Variants in SMYD5 observed in about 807,000 individuals in gnomAD.
SMYD5 encodes protein-lysine N-trimethyltransferase SMYD5.
In SMYD5, 35 loss-of-function variants were observed where a neutral mutation model predicts 57.4. That is an observed-to-expected ratio of 0.61 (90% CI 0.47 to 0.81). SMYD5 has a LOEUF of 0.81. SMYD5 is among the 30% of genes least tolerant of loss of function. The pLI, the probability that SMYD5 is intolerant of heterozygous loss-of-function variation, is 0.00. For missense variants in SMYD5, 471 were observed against 527.9 expected (o/e 0.89, Z 1.06); for synonymous variants, 198 against 189.7 (o/e 1.04, Z -0.36).
intron 5 of SMYD5, 125 bp downstream of exon 5, chr2:73,221,359 G>A (rs1381447620): frequency 1.3e-6 from 1 of 750,664 alleles, no homozygotes; most frequent in Admixed American, 2.3e-5. Context: ...CCAAAGGAGA[G>A]CTCCTTGCTA....
In SMYD5 at chr2:73,226,348, GA is replaced by G. The variant is rs1686506113; in HGVS notation, c.*405del. On this transcript the variant is annotated 3_prime_UTR_variant, in exon 13 of 13. Coordinates refer to ENST00000389501, the MANE Select transcript of SMYD5 (RefSeq NM_006062.3). ...TGTTGATTTCTTTTGAGGGGTAAAA[GA>G]AAGACCGAGTTCATTGAAGCAGAGA... 1 of 176,740 alleles carries G rather than the reference GA, an allele frequency of 5.7e-6. No individual in the cohort carries two copies. Among genetic ancestry groups the G allele is most frequent in the African/African-American group, 2.4e-5 (1 of 42,190 alleles). The allele number at this position is 176,740 out of a possible 1,614,324, so 10.9% of individuals were successfully genotyped here. A position where few individuals can be genotyped will look rare whatever the true frequency, so the allele number is the denominator to read the frequency against.
intron 1 of SMYD5, among the ~76,000 whole-genome samples, chr2:73,215,645 A>AGTCTCTCAGCCCCTT (rs1392106288): frequency 1.3e-5 from 2 of 151,996 alleles, no homozygotes; most frequent in African/African-American, 4.8e-5. Flanking sequence ...ATTAGCCCCC[A>AGTCTCTCAGCCCCTT]GTCTCTCAGC....
intron 2 of SMYD5, among the ~76,000 whole-genome samples, chr2:73,219,346 T>C (rs1001239064): frequency 1.3e-5 from 2 of 152,108 alleles, no homozygotes; most frequent in African/African-American, 2.4e-5. Flanking sequence ...GCCCTTAGCT[T>C]TGCTGGCCAC....
At chr2:73,216,809 G>A (rs946430664) in intron 1 of SMYD5, among the ~76,000 whole-genome samples, 1 of 151,964 alleles carries the variant, frequency 6.6e-6, no homozygotes, top group Non-Finnish European at 1.5e-5. Context: ...GGGCTCAAGC[G>A]ATCCTTCATC....
At chr2:73,223,352 A>G in intron 8 of SMYD5, 74 bp from the exon 9 acceptor site, 1 of 1,061,042 alleles carries the variant, frequency 9.4e-7, no homozygotes, top group South Asian at 1.3e-5. Context: ...CCTGGGCTTA[A>G]CTTACCTGGA....
chr2:73,214,630 C>G lies in SMYD5; in HGVS notation c.96+268C>G. The G allele has an allele frequency of 2.7e-6, 4 of 1,501,032 alleles. No individual in the cohort carries two copies. The South Asian group carries it at 4.9e-5, about 18-fold the overall frequency. 93.0% of individuals were successfully genotyped at this position (1,501,032 alleles called of 1,614,324 possible). On this transcript the variant is annotated intron_variant, in intron 1 of 12. Transcript: ENST00000389501. ...CGCGGGAGGCCCTTCTGTGGCTGCT[C>G]GGGGCGGGGCTAGGGGGCTTTGCTG... is the stretch of plus-strand genomic sequence containing the variant.
rs1686501219 is a variant in SMYD5, at chr2:73,226,233, A to C, written c.*287A>C. 1 of 457,264 alleles carries C rather than the reference A, an allele frequency of 2.2e-6. No homozygotes were observed. Among genetic ancestry groups the C allele is most frequent in the African/African-American group, 1.9e-5 (1 of 51,482 alleles). The allele number at this position is 457,264 out of a possible 1,614,324, so 28.3% of individuals were successfully genotyped here. On this transcript the variant is annotated 3_prime_UTR_variant, in exon 13 of 13. Coordinates refer to ENST00000389501, the MANE Select transcript of SMYD5 (RefSeq NM_006062.3). ...CCACTCTAGGGTTTGAGGGGCTGGAATCAGGGCCAGGGCCTAACAGTGTTT... is the reference window on the plus strand; with the variant it reads ...CCACTCTAGGGTTTGAGGGGCTGGACTCAGGGCCAGGGCCTAACAGTGTTT...
intron 3 of SMYD5, 117 bp downstream of exon 3, chr2:73,220,307 A>G: frequency 3.6e-6 from 4 of 1,101,956 alleles, no homozygotes; most frequent in East Asian, 4.8e-5. Context: ...GAAAACTACA[A>G]TGTAGGATAA....
intron 11 of SMYD5, 163 bp downstream of exon 11, chr2:73,225,123 A>T (rs1383674698): frequency 1.7e-6 from 1 of 590,188 alleles, no homozygotes; most frequent in Non-Finnish European, 3.0e-6. Flanking sequence ...GTTAGGTTCT[A>T]ACCCTACCTC....
At position 73,222,746 on chromosome 2, in the gene SMYD5, C is replaced by G. The variant is rs952371295; in HGVS notation, c.643-9C>G. 6.2e-7 allele frequency: 1 copy of G among 1,608,930 alleles called. No individual in the cohort carries two copies. Among genetic ancestry groups the G allele is most frequent in the Non-Finnish European group, 8.5e-7 (1 of 1,177,632 alleles). On this transcript the variant is annotated splice_polypyrimidine_tract_variant and intron_variant, in intron 6 of 12. Transcript: ENST00000389501. ...GGATACAAGTCTCTCCCTGCTTCCT[C>G]TAATCCAGGGCCAACTGGAACTTCT...
In SMYD5 at chr2:73,226,872, T is replaced by C. The variant is rs944262024; in HGVS notation, c.*926T>C. 5 of 152,664 alleles carry C rather than the reference T, an allele frequency of 3.3e-5. No individual in the cohort carries two copies. The highest frequency in any genetic ancestry group is 9.7e-5 in the African/African-American group (4 of 41,430). 9.5% of individuals were successfully genotyped at this position (152,664 alleles called of 1,614,324 possible). On this transcript the variant is annotated 3_prime_UTR_variant, in exon 13 of 13. Transcript: ENST00000389501. ...TCTTTAGGGTCTCCACAGACTAACA[T>C]TGAAGTCTTCCAGAAACCTCGAGGA... is the stretch of plus-strand genomic sequence containing the variant.
At chr2:73,225,229 G>A (rs1686477167) in intron 11 of SMYD5, 3 of 489,160 alleles carry the variant, frequency 6.1e-6, no homozygotes, top group African/African-American at 3.9e-5. Context: ...TTGGTCAAAT[G>A]CAGATATGTA....
intron 3 of SMYD5, 121 bp from the exon 4 acceptor site, chr2:73,220,540 G>A: frequency 1.6e-6 from 2 of 1,213,928 alleles, no homozygotes; most frequent in South Asian, 1.4e-5. Flanking sequence ...AGCACCCTAT[G>A]TTTTCTCTTC....
intron 1 of SMYD5, among the ~76,000 whole-genome samples, chr2:73,215,430 C>T (rs1256766932): frequency 6.6e-6 from 1 of 152,144 alleles, no homozygotes; most frequent in Non-Finnish European, 1.5e-5. Context: ...TTTTCCAGCT[C>T]AACCTTCCGT....
In SMYD5 at chr2:73,221,855, C is replaced by T. The variant is rs893376378; in HGVS notation, c.567C>T (p.Leu189=). ...QAKDKDRWIR[L]FSQFCNKTAN... is the part of the protein sequence containing the mutation. ...AGGACAAGGACCGTTGGATCAGACT[C>T]TTTTCCCAGTTTTGTAACAAAACAG... Residue 189 remains leucine (L), a synonymous_variant, in exon 6 of 13, where the codon CTC becomes CTT. Transcript: ENST00000389501. 6.2e-7 allele frequency: 1 copy of T among 1,614,028 alleles called. No homozygotes were observed. Among genetic ancestry groups the T allele is most frequent in the Non-Finnish European group, 8.5e-7 (1 of 1,179,878 alleles).
intron 10 of SMYD5, 63 bp downstream of exon 10, chr2:73,224,066 A>G (rs889375717): frequency 2.1e-5 from 31 of 1,485,326 alleles, no homozygotes; most frequent in Middle Eastern, 3.5e-4. Context: ...GTGGCCTTGC[A>G]GCCACAGTTT....
In SMYD5 at chr2:73,226,050, T is replaced by C. The variant is rs376908048; in HGVS notation, c.*104T>C. ...GGAACTTCCCACTCCCATTGCCTGC[T>C]TTCCCCATTCCAGCCCTCTCTGCTA... On this transcript the variant is annotated 3_prime_UTR_variant, in exon 13 of 13. Transcript: ENST00000389501. The C allele has an allele frequency of 3.5e-6, 5 of 1,435,378 alleles. No homozygotes were observed. In the East Asian group the frequency reaches 7.4e-5, roughly 21 times the overall value. The allele number at this position is 1,435,378 out of a possible 1,614,324, so 88.9% of individuals were successfully genotyped here.
intron 9 of SMYD5, 21 bp from the exon 10 acceptor site, chr2:73,223,926 G>T (rs1238599521): frequency 1.2e-6 from 2 of 1,610,672 alleles, no homozygotes; most frequent in South Asian, 2.2e-5. Context: ...AGAATAATGT[G>T]TGTGTATTAC....
chr2:73,222,513 C>T lies in SMYD5; in HGVS notation c.643-242C>T, dbSNP rs185173854. ...GATAGACATTTCAGGCTGCCTCAGC[C>T]TTGCTGGTACAAGTGCTGGAAAATG... On this transcript the variant is annotated intron_variant, in intron 6 of 12. Transcript: ENST00000389501. 3.9e-5 allele frequency among the ~76,000 whole-genome samples: 6 copies of T among 152,318 alleles called. No individual in the cohort carries two copies. In the South Asian group the frequency reaches 1.0e-3, roughly 26 times the overall value.
Sources: allele counts gnomAD v4.1 joint callset (sites outside exome capture counted in the v4.1 genomes callset), GRCh38; gene constraint gnomAD v4.1.1; transcripts MANE v1.5; gene names NCBI Gene and HGNC (gene_info 2026-07-23, HGNC 2026-07-21).